The following CBLB variants were observed in gnomAD, a reference collection of about 807,000 sequenced individuals.
CBLB encodes Cbl proto-oncogene B.
In CBLB, 31 loss-of-function variants were observed where a neutral mutation model predicts 104.9. The ratio of observed to expected loss-of-function variants is 0.30; its 90% CI spans 0.22 to 0.40. The LOEUF is 0.40. Ranked by LOEUF, CBLB falls within the 10% of genes least tolerant of loss-of-function variation. CBLB has a pLI of 1.00. For synonymous variants in CBLB, 440 were observed against 422.6 expected, an observed-to-expected ratio of 1.04 and a Z score of -0.51; for missense variants, 1,062 against 1,214.6, an observed-to-expected ratio of 0.87 and a Z score of 1.87.
chr3:105,849,224 T>C (rs1392323927), intron 3 of CBLB, among the ~76,000 whole-genome samples: 1 of 152,170 alleles, frequency 6.6e-6, no homozygotes, highest in Non-Finnish European at 1.5e-5. Context: ...CCTGTTATGG[T>C]GTACCAAGAA....
intron 3 of CBLB, among the ~76,000 whole-genome samples, chr3:105,819,909 A>C (rs2085591290): frequency 6.6e-6 from 1 of 152,134 alleles, no homozygotes; most frequent in South Asian, 2.1e-4. Context: ...CATGGAAGAC[A>C]ATTTTTCCAT....
Position 105,688,341 on chromosome 3 carries a change from A to AC in CBLB, c.2055-2876dup, listed in dbSNP as rs200303882. Among the ~76,000 whole-genome samples, 1,199 of 150,780 alleles carry AC rather than the reference A, an allele frequency of 8.0e-3. 8 individuals are homozygous for AC. The highest frequency in any genetic ancestry group is 0.016 in the African/African-American group (641 of 41,120). On this transcript the variant is annotated intron_variant, in intron 13 of 18. Transcript: ENST00000394030. Reference sequence around the variant, plus strand: ...ACACTCTCAAAGATGCATAGTCACCACCCCCCCCACAACCTGGACATTTTA... The same window carrying AC: ...ACACTCTCAAAGATGCATAGTCACCACCCCCCCCCACAACCTGGACATTTTA...
At chr3:105,837,502 C>T (rs1284691822) in intron 3 of CBLB, among the ~76,000 whole-genome samples, 1 of 152,140 alleles carries the variant, frequency 6.6e-6, no homozygotes, top group Admixed American at 6.5e-5. Context: ...AATAAGAAAG[C>T]TATGCAATAT....
chr3:105,829,874 T>C (rs937169965), intron 3 of CBLB, among the ~76,000 whole-genome samples: 1 of 152,152 alleles, frequency 6.6e-6, no homozygotes, highest in African/African-American at 2.4e-5. Context: ...GTGTAAATCA[T>C]CTATTACATA....
At chr3:105,816,644 T>C (rs1164898384) in intron 3 of CBLB, among the ~76,000 whole-genome samples, 1 of 152,200 alleles carries the variant, frequency 6.6e-6, no homozygotes, top group Non-Finnish European at 1.5e-5. Context: ...TAAAGTAAGT[T>C]CTACTTTACA....
chr3:105,842,167 G>A (rs2089641650), intron 3 of CBLB, among the ~76,000 whole-genome samples: 1 of 152,166 alleles, frequency 6.6e-6, no homozygotes, highest in South Asian at 2.1e-4. Context: ...ACATGCAGGT[G>A]TCTCCTGCCC....
At position 105,856,373 on chromosome 3, in the gene CBLB, AG is replaced by A. The variant is rs1283717603; in HGVS notation, c.169-2710del. On this transcript the variant is annotated intron_variant, in intron 2 of 18. Coordinates refer to ENST00000394030, the MANE Select transcript of CBLB (RefSeq NM_170662.5). ...CAAAAAAAAAAAAAAAAAAAAGAAA[AG>A]GAAAAAAAAAAGAAATCACTGGGGA... Among the ~76,000 whole-genome samples the A allele has an allele frequency of 4.6e-5, 7 of 150,586 alleles. No individual in the cohort carries two copies. The South Asian group carries it at 1.3e-3, about 27-fold the overall frequency.
chr3:105,726,727 T>C (rs2073697228), intron 9 of CBLB, among the ~76,000 whole-genome samples: 1 of 152,100 alleles, frequency 6.6e-6, no homozygotes, highest in Non-Finnish European at 1.5e-5. Flanking sequence ...TGACAGACCC[T>C]GGTGTGTGAT....
At chr3:105,691,899 C>T (rs1301430830) in intron 13 of CBLB, among the ~76,000 whole-genome samples, 1 of 152,148 alleles carries the variant, frequency 6.6e-6, no homozygotes, top group African/African-American at 2.4e-5. Flanking sequence ...ATGAAATGCC[C>T]ATCCCTCCAT....
chr3:105,812,088 A>G (rs998027913), intron 3 of CBLB, among the ~76,000 whole-genome samples: 8 of 152,038 alleles, frequency 5.3e-5, no homozygotes, highest in Non-Finnish European at 1.0e-4. Context: ...TTACCTGTCA[A>G]TGACTTAAAC....
chr3:105,679,881 C>T (rs1209149154), intron 16 of CBLB, among the ~76,000 whole-genome samples: 1 of 152,074 alleles, frequency 6.6e-6, no homozygotes, highest in Admixed American at 6.5e-5. Context: ...ATGCACAAGA[C>T]AGAGTTTTGC....
At chr3:105,795,782 C>T (rs776437220) in intron 3 of CBLB, among the ~76,000 whole-genome samples, 5 of 152,018 alleles carry the variant, frequency 3.3e-5, no homozygotes, top group Non-Finnish European at 7.4e-5. Flanking sequence ...CTTGCTCTGT[C>T]GCCCAGGCTG....
intron 4 of CBLB, among the ~76,000 whole-genome samples, chr3:105,767,140 T>C (rs902922827): frequency 6.6e-6 from 1 of 152,206 alleles, no homozygotes; most frequent in African/African-American, 2.4e-5. Context: ...TATTAACTAG[T>C]GATTCTTTGA....
chr3:105,691,642 T>C (rs2067705901), intron 13 of CBLB, among the ~76,000 whole-genome samples: 1 of 152,304 alleles, frequency 6.6e-6, no homozygotes, highest in African/African-American at 2.4e-5. Flanking sequence ...TGCACATATA[T>C]CCAGAGTTCA....
intron 3 of CBLB, among the ~76,000 whole-genome samples, chr3:105,850,397 T>C (rs2090793750): frequency 6.6e-6 from 1 of 152,084 alleles, no homozygotes; most frequent in Non-Finnish European, 1.5e-5. Context: ...AAAGAAATAT[T>C]AGAGGTTTCT....
At chr3:105,869,393 G>A (rs1483955477), upstream of CBLB, 7 of 1,340,890 alleles carry the variant, frequency 5.2e-6, no homozygotes, top group South Asian at 1.2e-5. Flanking sequence ...AGCCATCTGG[G>A]GCTGAAAGGC....
At chr3:105,806,037 G>A (rs2083455467) in intron 3 of CBLB, among the ~76,000 whole-genome samples, 1 of 151,954 alleles carries the variant, frequency 6.6e-6, no homozygotes, top group African/African-American at 2.4e-5. Flanking sequence ...TCTACATATG[G>A]GGAACTCTAC....
At chr3:105,727,372 A>G (rs1162237872) in intron 9 of CBLB, among the ~76,000 whole-genome samples, 1 of 151,866 alleles carries the variant, frequency 6.6e-6, no homozygotes, top group Non-Finnish European at 1.5e-5. Context: ...GTTTGTTCAT[A>G]TGCTTCGCCC....
intron 3 of CBLB, among the ~76,000 whole-genome samples, chr3:105,833,908 A>T (rs1174200285): frequency 2.7e-5 from 4 of 148,526 alleles, no homozygotes; most frequent in Non-Finnish European, 6.0e-5. Context: ...CTTTCGTTTT[A>T]AAAAAAAAAA....
Sources: gnomAD v4.1 joint callset for allele counts (sites outside exome capture counted in the v4.1 genomes callset) on GRCh38, gnomAD v4.1.1 for gene constraint, MANE v1.5 for transcripts, NCBI Gene and HGNC (gene_info 2026-07-23, HGNC 2026-07-21) for gene names.